The following CSMD1 variants were observed in gnomAD, a reference collection of about 807,000 sequenced individuals.
CSMD1 encodes the protein CUB and sushi domain-containing protein 1.
In CSMD1, 213 loss-of-function variants were observed where a neutral mutation model predicts 417.5. That is an observed-to-expected ratio of 0.51 (90% confidence interval 0.46 to 0.57). CSMD1 has a LOEUF of 0.57. CSMD1 is among the 20% of genes least tolerant of loss of function. The pLI, the probability that CSMD1 is intolerant of heterozygous loss-of-function variation, is 0.00. For missense variants in CSMD1, 6,923 were observed against 4,529.7 expected, an observed-to-expected ratio of 1.53 and a Z score of -15.17; for synonymous variants, 2,862 against 1,736.8, an observed-to-expected ratio of 1.65 and a Z score of -16.11.
At chr8:3,141,305 C>T (rs944391610) in intron 41 of CSMD1, among the ~76,000 whole-genome samples, 5 of 152,164 alleles carry the variant, frequency 3.3e-5, no homozygotes, top group African/African-American at 1.2e-4. Flanking sequence ...AGAAACCAGA[C>T]CTAACCAACT....
intron 3 of CSMD1, among the ~76,000 whole-genome samples, chr8:4,148,928 C>T (rs1322065979): frequency 6.6e-6 from 1 of 151,970 alleles, no homozygotes; most frequent in Non-Finnish European, 1.5e-5. Context: ...ACTTTTCAGA[C>T]TACCTAACTT....
intron 1 of CSMD1, among the ~76,000 whole-genome samples, chr8:4,913,055 C>T (rs1805806858): frequency 6.6e-6 from 1 of 152,106 alleles, no homozygotes; most frequent in African/African-American, 2.4e-5. Flanking sequence ...TCCCAAACTG[C>T]TGGGATTACA....
At chr8:4,290,374 C>G (rs59849774) in intron 3 of CSMD1, among the ~76,000 whole-genome samples, 1 of 152,142 alleles carries the variant, frequency 6.6e-6, no homozygotes, top group African/African-American at 2.4e-5. Flanking sequence ...GGGAGAGAAG[C>G]CCAAAGACGT....
chr8:3,008,159 C>T (rs982189706), intron 52 of CSMD1, among the ~76,000 whole-genome samples: 2 of 152,112 alleles, frequency 1.3e-5, no homozygotes, highest in African/African-American at 2.4e-5. Context: ...TAGAGTATGT[C>T]GCAAGCAAAA....
intron 4 of CSMD1, among the ~76,000 whole-genome samples, chr8:4,001,106 G>A (rs1320312626): frequency 5.3e-5 from 8 of 151,642 alleles, no homozygotes; most frequent in East Asian, 3.9e-4. Flanking sequence ...CATGGCAGTC[G>A]ATGAGCTGAA....
chr8:3,767,621 T>G (rs1798348972), intron 5 of CSMD1, among the ~76,000 whole-genome samples: 1 of 152,188 alleles, frequency 6.6e-6, no homozygotes, highest in African/African-American at 2.4e-5. Flanking sequence ...TTATATCCAC[T>G]TGCATATATA....
chr8:4,297,083 C>G (rs1404709495), intron 3 of CSMD1, among the ~76,000 whole-genome samples: 1 of 3,430 alleles, frequency 2.9e-4, no homozygotes, highest in Non-Finnish European at 6.8e-4. Context: ...GGTTGAAGAG[C>G]TTGGGGAGAC....
intron 10 of CSMD1, among the ~76,000 whole-genome samples, chr8:3,543,057 G>C (rs146187573): frequency 1.9e-3 from 287 of 152,288 alleles, no homozygotes; most frequent in African/African-American, 6.4e-3. Context: ...GCTGGGCTCA[G>C]ACAAGTTGAC....
At chr8:4,694,769 G>A (rs899272757) in intron 1 of CSMD1, among the ~76,000 whole-genome samples, 56 of 152,214 alleles carry the variant, frequency 3.7e-4, no homozygotes, top group African/African-American at 1.3e-3. Context: ...ACTTCCTGAG[G>A]CTGTGTCACG....
Position 3,088,950 on chromosome 8 carries a change from C to G in CSMD1, c.7286-1665G>C, listed in dbSNP as rs558135363. ...TAAATAAAGTTTGCAGGAAGTGAGA[C>G]CATGAGGCTCTAACTCTACAGATTC... is the stretch of plus-strand genomic sequence containing the variant. On this transcript the variant is annotated intron_variant, in intron 48 of 69. Coordinates refer to ENST00000635120, the MANE Select transcript of CSMD1 (RefSeq NM_033225.6). 5.3e-5 allele frequency among the ~76,000 whole-genome samples: 8 copies of G among 152,140 alleles called. No homozygotes were observed. The South Asian group carries it at 1.7e-3, about 32-fold the overall frequency.
At chr8:4,292,640 C>G (rs567866054) in intron 3 of CSMD1, among the ~76,000 whole-genome samples, 1 of 152,106 alleles carries the variant, frequency 6.6e-6, no homozygotes, top group African/African-American at 2.4e-5. Flanking sequence ...GTGCCTCAGT[C>G]TTGCATCATC....
intron 2 of CSMD1, among the ~76,000 whole-genome samples, chr8:4,546,269 A>G (rs1223888505): frequency 6.6e-6 from 1 of 152,016 alleles, no homozygotes; most frequent in Non-Finnish European, 1.5e-5. Flanking sequence ...GGTCCTTTCC[A>G]TGTTCTTTTC....
intron 3 of CSMD1, among the ~76,000 whole-genome samples, chr8:4,409,227 C>T (rs1017739956): frequency 5.9e-5 from 9 of 152,214 alleles, no homozygotes; most frequent in South Asian, 4.1e-4. Context: ...TGATGAAATT[C>T]GAATGCATTT....
chr8:4,392,827 G>T (rs1297399721), intron 3 of CSMD1, among the ~76,000 whole-genome samples: 1 of 151,734 alleles, frequency 6.6e-6, no homozygotes, highest in Admixed American at 6.6e-5. Flanking sequence ...TATTAGCCGG[G>T]TGTGGTGGCA....
chr8:3,843,828 C>G (rs1314630650), intron 5 of CSMD1, among the ~76,000 whole-genome samples: 1 of 152,108 alleles, frequency 6.6e-6, no homozygotes, highest in Non-Finnish European at 1.5e-5. Context: ...TTTTAGGAAT[C>G]AAATGGATAT....
At chr8:4,325,555 T>G (rs1417834498) in intron 3 of CSMD1, among the ~76,000 whole-genome samples, 2 of 152,212 alleles carry the variant, frequency 1.3e-5, no homozygotes, top group Non-Finnish European at 2.9e-5. Context: ...AAAGCATGCC[T>G]ACCTTGTTAG....
At position 4,004,739 on chromosome 8, in the gene CSMD1, C is replaced by CT. The variant is rs1157661657; in HGVS notation, c.611-6630dup. On this transcript the variant is annotated intron_variant, in intron 4 of 69. Transcript: ENST00000635120. Reference sequence around the variant, plus strand: ...AGATTGGTGACTATTATTCTTTATTCTTTTTTTGTTTTGTTTTGTTTTTGA... The same window carrying CT: ...AGATTGGTGACTATTATTCTTTATTCTTTTTTTTGTTTTGTTTTGTTTTTGA... Among the ~76,000 whole-genome samples the CT allele has an allele frequency of 5.5e-4, 84 of 151,926 alleles. 2 individuals carry two copies. The highest frequency in any genetic ancestry group is 4.4e-3 in the Admixed American group (67 of 15,254).
chr8:3,357,472 T>G (rs1808869368), intron 21 of CSMD1, among the ~76,000 whole-genome samples: 1 of 152,248 alleles, frequency 6.6e-6, no homozygotes, highest in African/African-American at 2.4e-5. Flanking sequence ...ACACACTGTT[T>G]AATAAATAGT....
intron 3 of CSMD1, among the ~76,000 whole-genome samples, chr8:4,226,820 G>A (rs1409574811): frequency 6.6e-6 from 1 of 152,186 alleles, no homozygotes; most frequent in Non-Finnish European, 1.5e-5. Flanking sequence ...AAGTTGGGTT[G>A]TTGAAATGCA....
Sources: allele counts gnomAD v4.1 joint callset (sites outside exome capture counted in the v4.1 genomes callset), GRCh38; gene constraint gnomAD v4.1.1; transcripts MANE v1.5; gene names NCBI Gene and HGNC (gene_info 2026-07-23, HGNC 2026-07-21).